Variants in PDE9A observed in about 807,000 individuals in gnomAD.
The protein encoded by PDE9A is high affinity cGMP-specific 3',5'-cyclic phosphodiesterase 9A.
In PDE9A, 60 loss-of-function variants were observed where a neutral mutation model predicts 87.4. The ratio of observed to expected loss-of-function variants is 0.69; its 90% CI spans 0.56 to 0.85. PDE9A has a LOEUF of 0.85. Ranked by LOEUF, PDE9A falls within the 40% of genes least tolerant of loss-of-function variation. The pLI is 0.00. For missense variants in PDE9A, 665 were observed against 779.0 expected (o/e 0.85, Z 1.74); for synonymous variants, 272 against 279.4 (o/e 0.97, Z 0.27).
chr21:42,771,120 G>C (rs929586773), intron 18 of PDE9A, among the ~76,000 whole-genome samples: 1 of 152,204 alleles, frequency 6.6e-6, no homozygotes, highest in Non-Finnish European at 1.5e-5. Context: ...GCCGCCGTTA[G>C]AGCATCTGGG....
At chr21:42,715,789 A>G (rs60269924) in intron 4 of PDE9A, among the ~76,000 whole-genome samples, 15,945 of 149,164 alleles carry the variant, frequency 0.11, 1,283 homozygotes, top group East Asian at 0.34. Flanking sequence ...AGTCTCAGAC[A>G]GAATCGGTTC....
At chr21:42,669,369 C>T (rs902084453) in intron 1 of PDE9A, among the ~76,000 whole-genome samples, 4 of 152,278 alleles carry the variant, frequency 2.6e-5, no homozygotes, top group Non-Finnish European at 5.9e-5. Flanking sequence ...CCCCTGCCTG[C>T]GGGGTCTTAG....
intron 3 of PDE9A, chr21:42,689,456 G>A (rs1395044282): frequency 2.4e-6 from 2 of 833,038 alleles, no homozygotes; most frequent in Non-Finnish European, 2.9e-6. Flanking sequence ...GGGGGGTCTC[G>A]CTCAGAAGCA....
chr21:42,770,288 C>T (rs1007052654), intron 17 of PDE9A, among the ~76,000 whole-genome samples: 4 of 152,164 alleles, frequency 2.6e-5, no homozygotes, highest in African/African-American at 9.7e-5. Flanking sequence ...GGCTCACAGC[C>T]TCACACCCTC....
chr21:42,688,045 T>A (rs375320592), intron 3 of PDE9A, 51 bp downstream of exon 3: 1 of 1,403,176 alleles, frequency 7.1e-7, no homozygotes, highest in African/African-American at 1.4e-5. Context: ...CTTCTCTCCA[T>A]GACATGGGAG....
At chr21:42,770,601 C>A in intron 17 of PDE9A, 102 bp from the exon 18 acceptor site, 2 of 832,562 alleles carry the variant, frequency 2.4e-6, no homozygotes, top group Non-Finnish European at 2.0e-6. Context: ...CTGGGACTGG[C>A]CCAGAGGTTT....
chr21:42,711,199 C>T (rs553284657), intron 4 of PDE9A, among the ~76,000 whole-genome samples: 11 of 150,728 alleles, frequency 7.3e-5, no homozygotes, highest in African/African-American at 2.7e-4. Flanking sequence ...GAATTCCATC[C>T]AATGTAACAA....
At chr21:42,654,439 A>G (rs1194464249) in intron 1 of PDE9A, among the ~76,000 whole-genome samples, 1 of 152,190 alleles carries the variant, frequency 6.6e-6, no homozygotes, top group Non-Finnish European at 1.5e-5. Flanking sequence ...TCGAATGTCC[A>G]GCGTTCCTAG....
At chr21:42,774,520 G>A (rs1294360369) in intron 19 of PDE9A, among the ~76,000 whole-genome samples, 1 of 152,180 alleles carries the variant, frequency 6.6e-6, no homozygotes, top group African/African-American at 2.4e-5. Context: ...TCAGAAAAGA[G>A]ATCAATATTG....
chr21:42,760,473 G>A lies in PDE9A; in HGVS notation c.1002+41G>A. On this transcript the variant is annotated intron_variant, in intron 12 of 19. Coordinates refer to ENST00000291539, the MANE Select transcript of PDE9A (RefSeq NM_002606.3). The surrounding 1 kb of genome is among the most constrained non-coding windows in gnomAD (Gnocchi z 5.2). ...TGCACACCCAGACCTCTACTCTCGG[G>A]GGTCAGACGGAGGCCCCCTTCCAGG... is the stretch of plus-strand genomic sequence containing the variant. The A allele has an allele frequency of 8.2e-7, 1 of 1,218,224 alleles. No individual in the cohort carries two copies. Among genetic ancestry groups the A allele is most frequent in the Non-Finnish European group, 1.2e-6 (1 of 849,986 alleles). 75.5% of individuals were successfully genotyped at this position (1,218,224 alleles called of 1,614,324 possible). A position where few individuals can be genotyped will look rare whatever the true frequency, so the allele number is the denominator to read the frequency against.
intron 4 of PDE9A, among the ~76,000 whole-genome samples, chr21:42,717,294 C>CTTTT (rs57599893): frequency 1.1e-4 from 9 of 85,188 alleles, no homozygotes; most frequent in Non-Finnish European, 1.7e-4. Context: ...TGGAACATGC[C>CTTTT]TTTTTTTTTT....
intron 1 of PDE9A, among the ~76,000 whole-genome samples, chr21:42,674,162 G>A (rs916777279): frequency 1.3e-5 from 2 of 152,122 alleles, no homozygotes; most frequent in Non-Finnish European, 2.9e-5. Flanking sequence ...GGTCTGAGTG[G>A]CCCAAGCAGG....
At chr21:42,769,718 A>G (rs550722149) in intron 17 of PDE9A, among the ~76,000 whole-genome samples, 3 of 152,006 alleles carry the variant, frequency 2.0e-5, no homozygotes, top group East Asian at 1.9e-4. Flanking sequence ...AGGTACACGC[A>G]GGCACACACG....
chr21:42,705,589 T>C lies in PDE9A; in HGVS notation c.262+6578T>C, dbSNP rs2048759890. Among the ~76,000 whole-genome samples the C allele has an allele frequency of 6.6e-6, 1 of 152,136 alleles. No individual in the cohort carries two copies. The highest frequency in any genetic ancestry group is 2.4e-5 in the African/African-American group (1 of 41,428). On this transcript the variant is annotated intron_variant, in intron 4 of 19. Coordinates refer to ENST00000291539, the MANE Select transcript of PDE9A (RefSeq NM_002606.3). This position sits in a 1 kb window ranked among gnomAD's most constrained non-coding sequence, Gnocchi z 4.3. ...TCTCATGACCGTATCAAGGGGATTG[T>C]GTCTTTTTGACCAGAGCGTTAGGGA... is the stretch of plus-strand genomic sequence containing the variant.
intron 18 of PDE9A, 78 bp from the exon 19 acceptor site, chr21:42,772,361 G>A (rs1227875561): frequency 5.3e-6 from 5 of 945,160 alleles, no homozygotes; most frequent in Middle Eastern, 3.0e-4. Flanking sequence ...CCAGGCAACA[G>A]AAGCTGCTGG....
At position 42,670,253 on chromosome 21, in the gene PDE9A, A is replaced by G. The variant is rs555039758; in HGVS notation, c.70-15939A>G. On this transcript the variant is annotated intron_variant, in intron 1 of 19. Transcript: ENST00000291539. ...CTTACATTCACACTCATACACATACATACATTCACACACATATTCACACAT... is the reference window on the plus strand; with the variant it reads ...CTTACATTCACACTCATACACATACGTACATTCACACACATATTCACACAT... 5.6e-5 allele frequency among the ~76,000 whole-genome samples: 8 copies of G among 142,906 alleles called. No individual in the cohort carries two copies. In the East Asian group the frequency reaches 1.2e-3, roughly 21 times the overall value. 93.8% of individuals were successfully genotyped at this position (142,906 alleles called of 152,430 possible).
intron 4 of PDE9A, among the ~76,000 whole-genome samples, chr21:42,726,614 A>ATTTTTTTTTTT (rs1393206123): frequency 4.4e-5 from 1 of 22,600 alleles, no homozygotes; most frequent in African/African-American, 3.4e-4. Flanking sequence ...ATATATATAT[A>ATTTTTTTTTTT]TATATATATA....
chr21:42,765,875 G>C (rs992384759), intron 15 of PDE9A, among the ~76,000 whole-genome samples: 1 of 152,136 alleles, frequency 6.6e-6, no homozygotes, highest in Non-Finnish European at 1.5e-5. Context: ...CACAGCTCCC[G>C]CTCCCCAAGC....
At chr21:42,687,247 G>A (rs949977303) in intron 2 of PDE9A, among the ~76,000 whole-genome samples, 8 of 152,222 alleles carry the variant, frequency 5.3e-5, no homozygotes, top group African/African-American at 1.9e-4. Flanking sequence ...TGAAAGTGCA[G>A]CAAATGGCAG....
Sources: allele counts gnomAD v4.1 joint callset (sites outside exome capture counted in the v4.1 genomes callset), GRCh38; gene constraint gnomAD v4.1.1; non-coding constraint Gnocchi (gnomAD v3.1); transcripts MANE v1.5; gene names NCBI Gene and HGNC (gene_info 2026-07-23, HGNC 2026-07-21).